The following FAM149B1 variants were observed in gnomAD, a reference collection of about 807,000 sequenced individuals.
FAM149B1 encodes family with sequence similarity 149 member B1, also known as primary cilium assembly protein FAM149B1.
In FAM149B1, 56 loss-of-function variants were observed where a neutral mutation model predicts 75.3. The ratio of observed to expected loss-of-function variants is 0.74; its 90% CI spans 0.60 to 0.93. FAM149B1 has a LOEUF of 0.93. Among genes scored for constraint, FAM149B1 ranks in the 40% least tolerant of loss-of-function variants. The probability of loss-of-function intolerance (pLI) is 0.00; values close to 1 mark genes in which losing one functional copy is unlikely to be tolerated. For missense variants in FAM149B1, 639 were observed against 708.4 expected, an observed-to-expected ratio of 0.90 and a Z score of 1.11; for synonymous variants, 259 against 256.1, an observed-to-expected ratio of 1.01 and a Z score of -0.11.
intron 12 of FAM149B1, among the ~76,000 whole-genome samples, chr10:73,237,767 C>A (rs998874459): frequency 1.3e-5 from 2 of 151,876 alleles, no homozygotes. Context: ...GCTACATCAC[C>A]CAGGCTGGAG....
chr10:73,212,788 G>A (rs976034376), intron 7 of FAM149B1, among the ~76,000 whole-genome samples: 1 of 151,756 alleles, frequency 6.6e-6, no homozygotes, highest in African/African-American at 2.4e-5. Context: ...ATGTTTGTTG[G>A]ATGCTTGTAT....
At chr10:73,231,733 T>TCTA (rs2043704177) in intron 9 of FAM149B1, among the ~76,000 whole-genome samples, 2 of 152,124 alleles carry the variant, frequency 1.3e-5, no homozygotes, top group African/African-American at 4.8e-5. Context: ...AAAGATGGGT[T>TCTA]TCTTCTGGGG....
At chr10:73,196,663 G>C (rs1353374858) in intron 5 of FAM149B1, among the ~76,000 whole-genome samples, 1 of 151,622 alleles carries the variant, frequency 6.6e-6, no homozygotes, top group Non-Finnish European at 1.5e-5. Context: ...TTTTAATTCA[G>C]GGTTGATCCT....
rs1361494367 is a variant in FAM149B1, at chr10:73,243,942, C to T, written c.*2923C>T. On this transcript the variant is annotated 3_prime_UTR_variant, in exon 14 of 14. Transcript: ENST00000242505. ...CCTCTTCCTGAGCCTGAAACAGGAA[C>T]TCACATGAGACTCAGGGCCACCAGG... 9 of 1,612,032 alleles carry T rather than the reference C, an allele frequency of 5.6e-6. No homozygotes were observed. Among genetic ancestry groups the T allele is most frequent in the Non-Finnish European group, 7.6e-6 (9 of 1,178,844 alleles).
chr10:73,205,888 A>G (rs1451156705), intron 5 of FAM149B1, among the ~76,000 whole-genome samples: 3 of 152,188 alleles, frequency 2.0e-5, no homozygotes, highest in Non-Finnish European at 4.4e-5. Context: ...ATGACTTCAT[A>G]CAGAACACTG....
At chr10:73,219,238 T>C (rs1027963834) in intron 7 of FAM149B1, among the ~76,000 whole-genome samples, 2 of 152,092 alleles carry the variant, frequency 1.3e-5, no homozygotes, top group African/African-American at 4.8e-5. Flanking sequence ...TATGTAATAT[T>C]ATAGAAAGAA....
At chr10:73,199,273 A>C (rs1048910241) in intron 5 of FAM149B1, among the ~76,000 whole-genome samples, 2 of 151,984 alleles carry the variant, frequency 1.3e-5, no homozygotes, top group African/African-American at 4.8e-5. Context: ...GCTGGAGTGC[A>C]GTGGCACAAT....
At position 73,235,065 on chromosome 10, in the gene FAM149B1, A is replaced by T; in HGVS notation, c.1476+125A>T. On this transcript the variant is annotated intron_variant, in intron 11 of 13. Transcript: ENST00000242505. ...TTGTCAAAAGTACAAACACAGTGCT[A>T]ATTTATGACGTGGAATTGGAGCTGT... The T allele has an allele frequency of 3.4e-6, 5 of 1,453,908 alleles. No homozygotes were observed. The South Asian group carries it at 6.7e-5, about 19-fold the overall frequency. The allele number at this position is 1,453,908 out of a possible 1,614,324, so 90.1% of individuals were successfully genotyped here. A position where few individuals can be genotyped will look rare whatever the true frequency, so the allele number is the denominator to read the frequency against.
chr10:73,217,342 C>T (rs1035886126), intron 7 of FAM149B1, among the ~76,000 whole-genome samples: 2 of 152,198 alleles, frequency 1.3e-5, no homozygotes, highest in African/African-American at 2.4e-5. Context: ...GTTAGATACA[C>T]ATTTCACTTC....
At chr10:73,229,938 TAC>T (rs1003526716) in intron 8 of FAM149B1, among the ~76,000 whole-genome samples, 3 of 152,164 alleles carry the variant, frequency 2.0e-5, no homozygotes, top group African/African-American at 7.2e-5. Context: ...TACCTCCTAG[TAC>T]AGAGTCTTCA....
chr10:73,176,271 G>A lies in FAM149B1; in HGVS notation c.152+1480G>A, dbSNP rs143449451. Among the ~76,000 whole-genome samples the A allele has an allele frequency of 4.8e-3, 734 of 152,198 alleles. 7 individuals carry two copies. Among genetic ancestry groups the A allele is most frequent in the African/African-American group, 0.017 (689 of 41,552 alleles). On this transcript the variant is annotated intron_variant, in intron 2 of 13. Coordinates refer to ENST00000242505, the MANE Select transcript of FAM149B1 (RefSeq NM_173348.2). ...GAAGGCAGAGCTCAGGTGGTAATGC[G>A]AGCCATGGGGAGCTGCTGTAAATAC...
chr10:73,200,729 G>T, intron 5 of FAM149B1: 1 of 464,586 alleles, frequency 2.2e-6, no homozygotes, highest in South Asian at 1.9e-5. Context: ...GAAAAAGGAA[G>T]ACTTGAACCT....
In FAM149B1 at chr10:73,208,665, C is replaced by T; in HGVS notation, c.589C>T (p.His197Tyr). 1.3e-6 allele frequency: 2 copies of T among 1,547,430 alleles called. No homozygotes were observed. The highest frequency in any genetic ancestry group is 1.7e-6 in the Non-Finnish European group (2 of 1,144,284). ...KKLHFSSSYA[H>Y]KASSIAKSSS... ...GTTACATTTTTCATCTTCTTATGCT[C>T]ATAAAGCATCTTCCATTGCCAAATC... The change falls in exon 6 of 14, where the codon CAT becomes TAT. Residue 197 changes from histidine (H) to tyrosine (Y), a missense_variant. His to Tyr is a moderately conservative substitution (Grantham distance 83). Transcript: ENST00000242505.
In FAM149B1 at chr10:73,211,376, G is replaced by A. The variant is rs1395576170; in HGVS notation, c.898+938G>A. ...GACTATCCAAGAGCCCCTAACCACCGGTCATATCATTAGCATACAAAAAAA... is the reference window on the plus strand; with the variant it reads ...GACTATCCAAGAGCCCCTAACCACCAGTCATATCATTAGCATACAAAAAAA... On this transcript the variant is annotated intron_variant, in intron 7 of 13. Transcript: ENST00000242505. Among the ~76,000 whole-genome samples, 6 of 152,142 alleles carry A rather than the reference G, an allele frequency of 3.9e-5. No homozygotes were observed. The South Asian group carries it at 6.2e-4, about 16-fold the overall frequency.
At chr10:73,171,525 A>AAATTT (rs1843714410) in intron 1 of FAM149B1, among the ~76,000 whole-genome samples, 3 of 152,180 alleles carry the variant, frequency 2.0e-5, no homozygotes, top group African/African-American at 4.8e-5. Flanking sequence ...AAAATTTCAA[A>AAATTT]CATAAACATA....
intron 13 of FAM149B1, among the ~76,000 whole-genome samples, chr10:73,239,978 G>T (rs146776318): frequency 1.3e-5 from 2 of 152,330 alleles, no homozygotes; most frequent in African/African-American, 4.8e-5. Context: ...AGGCCAGAAT[G>T]CAGTGGCATG....
At chr10:73,236,136 T>A (rs1295180368) in intron 12 of FAM149B1, among the ~76,000 whole-genome samples, 2 of 152,176 alleles carry the variant, frequency 1.3e-5, no homozygotes, top group African/African-American at 2.4e-5. Context: ...CTGCAAAGTT[T>A]TTCTTCTATG....
chr10:73,212,046 G>A (rs1316994416), intron 7 of FAM149B1, among the ~76,000 whole-genome samples: 2 of 152,116 alleles, frequency 1.3e-5, no homozygotes, highest in Non-Finnish European at 2.9e-5. Context: ...AGAACATGTG[G>A]TATTTGACTT....
At chr10:73,226,869 T>TATA (rs553315460) in intron 7 of FAM149B1, among the ~76,000 whole-genome samples, 1 of 152,176 alleles carries the variant, frequency 6.6e-6, no homozygotes, top group African/African-American at 2.4e-5. Flanking sequence ...CTATCTCTAT[T>TATA]ATTAGAGCAA....
Sources: gnomAD v4.1 joint callset for allele counts (sites outside exome capture counted in the v4.1 genomes callset) on GRCh38, gnomAD v4.1.1 for gene constraint, MANE v1.5 for transcripts, NCBI Gene and HGNC (gene_info 2026-07-23, HGNC 2026-07-21) for gene names.